Variants in FZR1 observed in about 807,000 individuals in gnomAD.
The protein encoded by FZR1 is fizzy-related protein homolog.
In FZR1, 11 loss-of-function variants were observed where a neutral mutation model predicts 63.6. The observed-to-expected ratio is 0.17, with a 90% CI of 0.11 to 0.29. The LOEUF (loss-of-function observed/expected upper bound fraction) is 0.29. FZR1 is among the 10% of genes least tolerant of loss of function. The pLI, the probability that FZR1 is intolerant of heterozygous loss-of-function variation, is 1.00. For synonymous variants in FZR1, 328 were observed against 297.9 expected, an observed-to-expected ratio of 1.10 and a Z score of -1.04; for missense variants, 440 against 687.5, an observed-to-expected ratio of 0.64 and a Z score of 4.03.
rs558386407 is a variant in FZR1, at chr19:3,512,164, C to T, written c.-35+5690C>T. Among the ~76,000 whole-genome samples, 253 of 152,316 alleles carry T rather than the reference C, an allele frequency of 1.7e-3. 1 individual carries two copies. The highest frequency in any genetic ancestry group is 6.0e-3 in the African/African-American group (250 of 41,576). On this transcript the variant is annotated intron_variant, in intron 1 of 13. Transcript: ENST00000441788. ...GGCAGCATCCTGGCTGCCAAGGCAC[C>T]GCCATGCCCAAGGACGAAGGAGCAG...
intron 1 of FZR1, among the ~76,000 whole-genome samples, chr19:3,509,466 G>C (rs775154551): frequency 2.0e-5 from 3 of 152,050 alleles, no homozygotes; most frequent in Non-Finnish European, 4.4e-5. Flanking sequence ...ATTTTTGCTC[G>C]TAGTAGCTTT....
At chr19:3,518,304 A>C (rs997089699) in intron 1 of FZR1, among the ~76,000 whole-genome samples, 1 of 151,838 alleles carries the variant, frequency 6.6e-6, no homozygotes, top group Non-Finnish European at 1.5e-5. Context: ...TTTTGTAGAA[A>C]CGGGGTCTCG....
chr19:3,513,030 A>C (rs1599772527), intron 1 of FZR1, among the ~76,000 whole-genome samples: 1 of 152,078 alleles, frequency 6.6e-6, no homozygotes, highest in Non-Finnish European at 1.5e-5. Flanking sequence ...CCAGGCACCC[A>C]GCGCAGTCCC....
At chr19:3,508,121 G>C (rs2082998630) in intron 1 of FZR1, among the ~76,000 whole-genome samples, 1 of 151,776 alleles carries the variant, frequency 6.6e-6, no homozygotes, top group Non-Finnish European at 1.5e-5. Context: ...GGGTTGGGGT[G>C]GGGCTTTGGG....
rs1433950513 is a variant in FZR1, at chr19:3,536,572, C to T, written c.*1736C>T. 1 of 152,288 alleles carries T rather than the reference C, an allele frequency of 6.6e-6. No individual in the cohort carries two copies. Among genetic ancestry groups the T allele is most frequent in the African/African-American group, 2.4e-5 (1 of 41,462 alleles). 9.4% of individuals were successfully genotyped at this position (152,288 alleles called of 1,614,324 possible). A position where few individuals can be genotyped will look rare whatever the true frequency, so the allele number is the denominator to read the frequency against. On this transcript the variant is annotated 3_prime_UTR_variant, in exon 14 of 14. Transcript: ENST00000441788. ...AGGGCTTGGCTGGCTCAGTGCACAA[C>T]CCACAGTGGCCTTCAGAGGCTCCTC...
In FZR1 at chr19:3,514,991, ACC is replaced by A. The variant is rs1478333809; in HGVS notation, c.-34-7963_-34-7962del. Among the ~76,000 whole-genome samples, 5 of 152,046 alleles carry A rather than the reference ACC, an allele frequency of 3.3e-5. No homozygotes were observed. The East Asian group carries it at 7.7e-4, about 24-fold the overall frequency. On this transcript the variant is annotated intron_variant, in intron 1 of 13. Coordinates refer to ENST00000441788, the MANE Select transcript of FZR1 (RefSeq NM_016263.4). The surrounding 1 kb of genome is among the most constrained non-coding windows in gnomAD (Gnocchi z 4.2). Reference sequence around the variant, plus strand: ...TGAGCTGGCCCAGGGGGTTTGCAGGACCCACAGGGCAGTGCCCTGCCAAGGGG... The same window carrying A: ...TGAGCTGGCCCAGGGGGTTTGCAGGACACAGGGCAGTGCCCTGCCAAGGGG...
In FZR1 at chr19:3,537,040, C is replaced by CA. The variant is rs2030000560; in HGVS notation, c.*2205dup. On this transcript the variant is annotated 3_prime_UTR_variant, in exon 14 of 14. Transcript: ENST00000441788. ...CAGGGAGGAGGTGCTCGGTTGACAC[C>CA]ATCAGGGAGGGAGGGTGGGCACTGC... 1 of 139,292 alleles carries CA rather than the reference C, an allele frequency of 7.2e-6. No individual in the cohort carries two copies. The allele number at this position is 139,292 out of a possible 1,614,324, so 8.6% of individuals were successfully genotyped here. A position where few individuals can be genotyped will look rare whatever the true frequency, so the allele number is the denominator to read the frequency against.
intron 2 of FZR1, among the ~76,000 whole-genome samples, chr19:3,524,314 C>T (rs985596064): frequency 1.3e-5 from 2 of 152,186 alleles, no homozygotes; most frequent in African/African-American, 2.4e-5. Flanking sequence ...CGAAGTCTCC[C>T]GGATGCAGCC....
intron 2 of FZR1, among the ~76,000 whole-genome samples, chr19:3,524,207 G>A (rs912825721): frequency 3.9e-5 from 6 of 152,296 alleles, no homozygotes; most frequent in African/African-American, 1.2e-4. Flanking sequence ...GAGCACTCTC[G>A]GGGCTGCCAG....
At position 3,532,400 on chromosome 19, in the gene FZR1, C is replaced by T; in HGVS notation, c.1009-17C>T. On this transcript the variant is annotated splice_polypyrimidine_tract_variant and intron_variant, in intron 10 of 13. Coordinates refer to ENST00000441788, the MANE Select transcript of FZR1 (RefSeq NM_016263.4). ...CAGGGCTGGGACAGCCCCGGCCTCA[C>T]AGCCCCTGTCCCCCAGCTGCTGGTC... The T allele has an allele frequency of 6.3e-7, 1 of 1,578,084 alleles. No homozygotes were observed. The highest frequency in any genetic ancestry group is 8.6e-7 in the Non-Finnish European group (1 of 1,159,374).
At chr19:3,507,923 G>A (rs1264489089) in intron 1 of FZR1, among the ~76,000 whole-genome samples, 1 of 152,262 alleles carries the variant, frequency 6.6e-6, no homozygotes, top group Non-Finnish European at 1.5e-5. Context: ...CCGGCGCCTT[G>A]AGCAGCGAGC....
intron 1 of FZR1, among the ~76,000 whole-genome samples, chr19:3,507,164 C>T (rs1334014499): frequency 6.6e-6 from 1 of 150,730 alleles, no homozygotes; most frequent in Non-Finnish European, 1.5e-5. Flanking sequence ...CAGCGTGCCC[C>T]CTACCAGCCC....
Position 3,526,944 on chromosome 19 carries a change from G to C in FZR1, c.388-36G>C. On this transcript the variant is annotated intron_variant, in intron 5 of 13. Transcript: ENST00000441788. This position sits in a 1 kb window ranked among gnomAD's most constrained non-coding sequence, Gnocchi z 5.4. The stretch of plus-strand genomic sequence containing the variant: ...GGGGCTCTGAGGGTCCTGCGGCCTG[G>C]GCGTGCGCTCAGCTGGCATGTCCCC... 1 of 1,492,304 alleles carries C rather than the reference G, an allele frequency of 6.7e-7. No individual in the cohort carries two copies. The highest frequency in any genetic ancestry group is 9.3e-7 in the Non-Finnish European group (1 of 1,073,962). The allele number at this position is 1,492,304 out of a possible 1,614,324, so 92.4% of individuals were successfully genotyped here.
At chr19:3,518,011 CTT>C (rs1220242480) in intron 1 of FZR1, among the ~76,000 whole-genome samples, 30 of 109,482 alleles carry the variant, frequency 2.7e-4, no homozygotes, top group African/African-American at 8.3e-4. Context: ...CTGTTTCTTT[CTT>C]TTTTTTTTTT....
intron 1 of FZR1, among the ~76,000 whole-genome samples, chr19:3,519,123 C>G (rs1227958071): frequency 6.6e-6 from 1 of 152,180 alleles, no homozygotes; most frequent in Non-Finnish European, 1.5e-5. Context: ...GCAGGGCCCC[C>G]CATGCGAGGC....
Position 3,526,929 on chromosome 19 carries a change from G to A in FZR1, c.388-51G>A, listed in dbSNP as rs2083164889. ...AGCGTGGGCTGCTGGGGGGCTCTGA[G>A]GGTCCTGCGGCCTGGGCGTGCGCTC... is the stretch of plus-strand genomic sequence containing the variant. On this transcript the variant is annotated intron_variant, in intron 5 of 13. Transcript: ENST00000441788. This position sits in a 1 kb window ranked among gnomAD's most constrained non-coding sequence, Gnocchi z 5.4. 1 of 1,314,840 alleles carries A rather than the reference G, an allele frequency of 7.6e-7. No individual in the cohort carries two copies. Among genetic ancestry groups the A allele is most frequent in the Non-Finnish European group, 1.1e-6 (1 of 914,866 alleles). The allele number at this position is 1,314,840 out of a possible 1,614,324, so 81.4% of individuals were successfully genotyped here.
intron 1 of FZR1, among the ~76,000 whole-genome samples, chr19:3,518,942 C>T (rs779769629): frequency 5.9e-5 from 9 of 152,264 alleles, no homozygotes; most frequent in Non-Finnish European, 1.2e-4. Context: ...TCTCCCACTA[C>T]CTCCTCTGGT....
At position 3,525,845 on chromosome 19, in the gene FZR1, A is replaced by G. The variant is rs1599783178; in HGVS notation, c.70-23A>G. The G allele has an allele frequency of 1.9e-6, 3 of 1,607,428 alleles. No individual in the cohort carries two copies. In the African/African-American group the frequency reaches 4.0e-5, roughly 21 times the overall value. On this transcript the variant is annotated intron_variant, in intron 2 of 13. Coordinates refer to ENST00000441788, the MANE Select transcript of FZR1 (RefSeq NM_016263.4). This position sits in a 1 kb window ranked among gnomAD's most constrained non-coding sequence, Gnocchi z 4.2. Reference sequence around the variant, plus strand: ...CGGGGGGCTCTCGGTGCTGAGAGCAAGCCCTCTGCTGATGCCCTTCAGGTC... The same window carrying G: ...CGGGGGGCTCTCGGTGCTGAGAGCAGGCCCTCTGCTGATGCCCTTCAGGTC...
At chr19:3,512,899 A>G (rs2122113504) in intron 1 of FZR1, among the ~76,000 whole-genome samples, 2 of 152,300 alleles carry the variant, frequency 1.3e-5, no homozygotes, top group South Asian at 4.1e-4. Context: ...ACCTCCCCAG[A>G]AACTCCCAGA....
Sources: gnomAD v4.1 joint callset for allele counts (sites outside exome capture counted in the v4.1 genomes callset) on GRCh38, gnomAD v4.1.1 for gene constraint, Gnocchi (gnomAD v3.1) non-coding constraint, MANE v1.5 for transcripts, NCBI Gene and HGNC (gene_info 2026-07-23, HGNC 2026-07-21) for gene names.